ANO4: variants seen among roughly 807,000 people sequenced by gnomAD.
ANO4 encodes anoctamin-4.
In ANO4, 69 loss-of-function variants were observed where a neutral mutation model predicts 141.9. The observed-to-expected ratio is 0.49, with a 90% CI of 0.40 to 0.59. The LOEUF (loss-of-function observed/expected upper bound fraction) is 0.59, where lower values mean the gene tolerates loss of function less well. ANO4 is among the 20% of genes least tolerant of loss of function. The pLI is 0.00. For synonymous variants in ANO4, 350 were observed against 394.3 expected (o/e 0.89, Z 1.33); for missense variants, 894 against 1,162.2 (o/e 0.77, Z 3.36).
intron 3 of ANO4, among the ~76,000 whole-genome samples, chr12:100,928,149 G>T (rs2041948759): frequency 3.4e-5 from 5 of 145,416 alleles, no homozygotes; most frequent in Admixed American, 3.4e-4. Flanking sequence ...CAGAGGAGCA[G>T]ATGGCAGGGT....
Position 100,849,514 on chromosome 12 carries a change from TA to T in ANO4, c.-140-52131del, listed in dbSNP as rs1425289122. Among the ~76,000 whole-genome samples, 365 of 152,330 alleles carry T rather than the reference TA, an allele frequency of 2.4e-3. 2 individuals carry two copies. Among genetic ancestry groups the T allele is most frequent in the East Asian group, 0.018 (94 of 5,174 alleles). On this transcript the variant is annotated intron_variant, in intron 1 of 27. Coordinates refer to ENST00000392977, the MANE Select transcript of ANO4 (RefSeq NM_001286615.2). ...GCTGCAGGCTGTCTGTTTGCTTTTT[TA>T]CTTACTGGTTTGTCTTACTGGCAAA...
intron 3 of ANO4, among the ~76,000 whole-genome samples, chr12:100,788,681 A>G (rs1395981283): frequency 6.6e-6 from 1 of 152,230 alleles, no homozygotes; most frequent in Non-Finnish European, 1.5e-5. Context: ...TAAATATTCA[A>G]GAAATCCATC....
intron 1 of ANO4, among the ~76,000 whole-genome samples, chr12:100,795,236 C>A (rs2034233134): frequency 6.6e-6 from 1 of 151,292 alleles, no homozygotes; most frequent in African/African-American, 2.5e-5. Flanking sequence ...GTGAGCTCTT[C>A]TGCTGTGATA....
intron 3 of ANO4, among the ~76,000 whole-genome samples, chr12:100,753,986 C>G (rs2032500528): frequency 6.6e-6 from 1 of 152,186 alleles, no homozygotes; most frequent in Non-Finnish European, 1.5e-5. Context: ...TAACCAACCA[C>G]TCATTTGCAG....
At chr12:101,080,633 C>A (rs975453555) in intron 15 of ANO4, among the ~76,000 whole-genome samples, 4 of 151,704 alleles carry the variant, frequency 2.6e-5, no homozygotes, top group Non-Finnish European at 5.9e-5. Context: ...TCGAGACCAG[C>A]CTGGCCAATA....
intron 1 of ANO4, among the ~76,000 whole-genome samples, chr12:100,861,844 G>A (rs1012251899): frequency 2.0e-5 from 3 of 151,490 alleles, no homozygotes; most frequent in African/African-American, 7.3e-5. Context: ...TTGAATTTTT[G>A]TTCTTTAAAC....
chr12:100,773,472 A>C (rs2033379557), intron 3 of ANO4, among the ~76,000 whole-genome samples: 1 of 151,996 alleles, frequency 6.6e-6, no homozygotes, highest in Non-Finnish European at 1.5e-5. Context: ...TTTCCCCCAC[A>C]CCCCACATTT....
intron 25 of ANO4, among the ~76,000 whole-genome samples, chr12:101,119,710 A>G (rs1280466273): frequency 6.6e-6 from 1 of 152,214 alleles, no homozygotes; most frequent in Non-Finnish European, 1.5e-5. Context: ...ATGCATATAC[A>G]TATAAGTTAA....
intron 3 of ANO4, among the ~76,000 whole-genome samples, chr12:100,768,871 T>A (rs2033189814): frequency 6.6e-6 from 1 of 152,198 alleles, no homozygotes; most frequent in African/African-American, 2.4e-5. Flanking sequence ...AAGTTTGGCA[T>A]CACAATTCTG....
At chr12:100,895,270 A>C (rs2040294211) in intron 1 of ANO4, among the ~76,000 whole-genome samples, 1 of 152,138 alleles carries the variant, frequency 6.6e-6, no homozygotes, top group African/African-American at 2.4e-5. Context: ...AGAGTAATGC[A>C]ACACATAGAC....
intron 1 of ANO4, among the ~76,000 whole-genome samples, chr12:100,861,530 C>T (rs1438678767): frequency 6.6e-6 from 1 of 152,024 alleles, no homozygotes; most frequent in African/African-American, 2.4e-5. Flanking sequence ...ATGAATGAAG[C>T]CTGCGGAACT....
chr12:101,030,113 C>G (rs1011475221), intron 9 of ANO4, among the ~76,000 whole-genome samples: 1 of 152,068 alleles, frequency 6.6e-6, no homozygotes, highest in South Asian at 2.1e-4. Context: ...TTGAACTCAG[C>G]TCTGGATCAA....
At chr12:101,086,892 G>C (rs1202698821) in intron 17 of ANO4, 68 bp downstream of exon 17, 14 of 1,549,192 alleles carry the variant, frequency 9.0e-6, no homozygotes, top group Non-Finnish European at 1.2e-5. Flanking sequence ...GTTTTCTTCT[G>C]TTGCTAAGGG....
rs1336727731 is a variant in ANO4 at position 101,112,447 on chromosome 12, T to TA, written c.2450+742dup. On this transcript the variant is annotated intron_variant, in intron 24 of 27. Transcript: ENST00000392977. ...AAGGGCAAGAAGTCTTAACATGCTT[T>TA]AAAAATCCCTGTTTGGTTAAAGCCA... Among the ~76,000 whole-genome samples the TA allele has an allele frequency of 2.0e-5, 3 of 152,348 alleles. No homozygotes were observed. In the East Asian group the frequency reaches 5.8e-4, roughly 29 times the overall value.
chr12:100,843,038 T>G (rs527609873), intron 1 of ANO4, among the ~76,000 whole-genome samples: 4 of 152,294 alleles, frequency 2.6e-5, no homozygotes, highest in South Asian at 2.1e-4. Flanking sequence ...TTCCAGTGAC[T>G]TCTTCTTCTT....
In ANO4 at chr12:100,850,215, CT is replaced by C. The variant is rs556344549; in HGVS notation, c.-140-51429del. On this transcript the variant is annotated intron_variant, in intron 1 of 27. Coordinates refer to ENST00000392977, the MANE Select transcript of ANO4 (RefSeq NM_001286615.2). ...CTGCCATTGATCCTTGGAAAGGGGA[CT>C]TATATATGATTAGAGTCAGGAATTT... Among the ~76,000 whole-genome samples the C allele has an allele frequency of 1.9e-3, 292 of 152,174 alleles. 1 individual carries two copies. The highest frequency in any genetic ancestry group is 6.4e-3 in the African/African-American group (265 of 41,496).
chr12:101,079,680 C>T (rs1466032347), intron 15 of ANO4, among the ~76,000 whole-genome samples: 1 of 152,174 alleles, frequency 6.6e-6, no homozygotes, highest in Non-Finnish European at 1.5e-5. Flanking sequence ...GTGAGCAGCA[C>T]CCAGGACCGT....
intron 8 of ANO4, among the ~76,000 whole-genome samples, chr12:100,994,131 G>T (rs1484906681): frequency 2.0e-5 from 3 of 152,160 alleles, no homozygotes; most frequent in African/African-American, 4.8e-5. Context: ...TCCCCTGGTG[G>T]TAGTGGTGGG....
intron 14 of ANO4, 36 bp from the exon 15 acceptor site, chr12:101,079,157 T>C (rs2049141095): frequency 6.3e-7 from 1 of 1,583,988 alleles, no homozygotes; most frequent in South Asian, 1.1e-5. Flanking sequence ...TTTACTTTTA[T>C]TCAAAAATGT....
Sources: allele counts gnomAD v4.1 joint callset (sites outside exome capture counted in the v4.1 genomes callset), GRCh38; gene constraint gnomAD v4.1.1; transcripts MANE v1.5; gene names NCBI Gene and HGNC (gene_info 2026-07-23, HGNC 2026-07-21).